NDNF: variants seen among roughly 807,000 people sequenced by gnomAD.
NDNF encodes the protein protein NDNF.
NDNF carries 16 observed loss-of-function variants against 42.0 expected under a neutral mutation model. The observed-to-expected ratio is 0.38, with a 90% CI of 0.26 to 0.58. The LOEUF is 0.58. Among genes scored for constraint, NDNF ranks in the 20% least tolerant of loss-of-function variants. NDNF has a pLI of 0.67. For synonymous variants in NDNF, 248 were observed against 251.7 expected (o/e 0.99, Z 0.14); for missense variants, 616 against 666.2 (o/e 0.92, Z 0.83).
chr4:121,058,549 C>T (rs1361983730), intron 1 of NDNF, among the ~76,000 whole-genome samples: 2 of 152,066 alleles, frequency 1.3e-5, no homozygotes, highest in Admixed American at 6.6e-5. Context: ...TAGGTCCTGA[C>T]GAGGCGGCTG....
At chr4:121,057,876 C>A (rs530848974) in intron 1 of NDNF, among the ~76,000 whole-genome samples, 1 of 152,138 alleles carries the variant, frequency 6.6e-6, no homozygotes, top group Non-Finnish European at 1.5e-5. Flanking sequence ...TCCCTGTACA[C>A]TGTCAATAAG....
rs1727622072 is a variant in NDNF, at chr4:121,072,324, CT to C, written c.-334del. 6.6e-6 allele frequency: 1 copy of C among 151,512 alleles called. No individual in the cohort carries two copies. Among genetic ancestry groups the C allele is most frequent in the Admixed American group, 6.6e-5 (1 of 15,216 alleles). The allele number at this position is 151,512 out of a possible 1,614,324, so 9.4% of individuals were successfully genotyped here. On this transcript the variant is annotated 5_prime_UTR_variant, in exon 1 of 4. Coordinates refer to ENST00000379692, the MANE Select transcript of NDNF (RefSeq NM_024574.4). ...AGAAGCGGCGGGAGGTCCTTTTAAA[CT>C]GCAGGGAGCGTGCGGGGGCTGGGCG...
chr4:121,049,460 G>A (rs1727152841), intron 1 of NDNF, among the ~76,000 whole-genome samples: 1 of 152,130 alleles, frequency 6.6e-6, no homozygotes, highest in Non-Finnish European at 1.5e-5. Flanking sequence ...GTGGGGGTCA[G>A]GGAGCCAGTG....
chr4:121,065,654 AT>A lies in NDNF; in HGVS notation c.-2+6338del, dbSNP rs200225167. 3.3e-3 allele frequency among the ~76,000 whole-genome samples: 496 copies of A among 151,704 alleles called. 3 individuals are homozygous for A. Among genetic ancestry groups the A allele is most frequent in the African/African-American group, 0.011 (471 of 41,446 alleles). On this transcript the variant is annotated intron_variant, in intron 1 of 3. Transcript: ENST00000379692. ...CATTGTGGGGCACAAATTGCCCATT[AT>A]GGTGTAAGAAGGAAATACCAAAAGA...
intron 2 of NDNF, among the ~76,000 whole-genome samples, chr4:121,044,644 A>T (rs534750438): frequency 2.2e-4 from 33 of 152,226 alleles, no homozygotes; most frequent in Admixed American, 5.9e-4. Flanking sequence ...GAATATGATA[A>T]TATTTGTTGA....
chr4:121,052,544 AT>A (rs1178825303), intron 1 of NDNF, among the ~76,000 whole-genome samples: 1 of 152,186 alleles, frequency 6.6e-6, no homozygotes, highest in East Asian at 1.9e-4. Flanking sequence ...ACTCAAGAGC[AT>A]TTGTTTTTGT....
intron 1 of NDNF, among the ~76,000 whole-genome samples, chr4:121,050,270 T>C (rs1456420823): frequency 6.6e-6 from 1 of 152,256 alleles, no homozygotes; most frequent in Non-Finnish European, 1.5e-5. Flanking sequence ...AATTCATTCT[T>C]GTTAAGCATA....
At chr4:121,055,800 TACACACATAC>T (rs1727283871) in intron 1 of NDNF, among the ~76,000 whole-genome samples, 1 of 149,402 alleles carries the variant, frequency 6.7e-6, no homozygotes, top group Non-Finnish European at 1.5e-5. Flanking sequence ...AGGCAATACA[TACACACATAC>T]ACACACACAC....
intron 1 of NDNF, among the ~76,000 whole-genome samples, chr4:121,058,078 C>T (rs116610636): frequency 6.6e-6 from 1 of 152,246 alleles, no homozygotes; most frequent in African/African-American, 2.4e-5. Context: ...TTATATAACA[C>T]AAGTTTATGA....
chr4:121,070,425 G>C (rs1727570398), intron 1 of NDNF, among the ~76,000 whole-genome samples: 1 of 152,146 alleles, frequency 6.6e-6, no homozygotes, highest in Non-Finnish European at 1.5e-5. Context: ...AGGGGGCGGA[G>C]AATGGAGCGG....
chr4:121,055,126 C>T (rs1225814371), intron 1 of NDNF, among the ~76,000 whole-genome samples: 1 of 152,060 alleles, frequency 6.6e-6, no homozygotes, highest in Non-Finnish European at 1.5e-5. Flanking sequence ...GAGTGGAAAG[C>T]TCTTTAAGCA....
At chr4:121,070,190 C>G (rs1006381415) in intron 1 of NDNF, among the ~76,000 whole-genome samples, 1 of 150,774 alleles carries the variant, frequency 6.6e-6, no homozygotes, top group Non-Finnish European at 1.5e-5. Flanking sequence ...ACAGTCTGAG[C>G]GAAGGTTGCG....
chr4:121,050,599 T>A (rs1727177206), intron 1 of NDNF, among the ~76,000 whole-genome samples: 2 of 152,212 alleles, frequency 1.3e-5, no homozygotes, highest in South Asian at 4.1e-4. Context: ...GCTTGGCAGA[T>A]CAACTTGGTT....
intron 1 of NDNF, among the ~76,000 whole-genome samples, chr4:121,064,457 AAC>A (rs1274529005): frequency 6.6e-6 from 1 of 152,228 alleles, no homozygotes; most frequent in Non-Finnish European, 1.5e-5. Context: ...TTCAAAATAT[AAC>A]ACAATATACA....
intron 2 of NDNF, among the ~76,000 whole-genome samples, chr4:121,045,194 T>C (rs907835537): frequency 9.9e-5 from 15 of 151,808 alleles, no homozygotes; most frequent in Non-Finnish European, 2.2e-4. Context: ...CTATTAAAAA[T>C]ACAAAAAATT....
chr4:121,036,683 T>C lies in NDNF; in HGVS notation c.1288A>G (p.Met430Val), dbSNP rs1726875243. ...RLKGNKKGAS[M>V]LKILATTRPT... ...CTTGTGGTAGCTAGAATTTTCAACA[T>C]AGATGCTCCTTTCTTGTTTCCTTTC... Residue 430 changes from methionine (M) to valine (V), a missense_variant, in exon 4 of 4, where the codon ATG (methionine) becomes GTG (valine). Coordinates refer to ENST00000379692, the MANE Select transcript of NDNF (RefSeq NM_024574.4). 1.2e-6 allele frequency: 2 copies of C among 1,614,144 alleles called. No individual in the cohort carries two copies. Among genetic ancestry groups the C allele is most frequent in the Non-Finnish European group, 8.5e-7 (1 of 1,180,008 alleles).
chr4:121,053,104 C>CTGT (rs1727228146), intron 1 of NDNF, among the ~76,000 whole-genome samples: 1 of 152,156 alleles, frequency 6.6e-6, no homozygotes, highest in African/African-American at 2.4e-5. Context: ...TACACAGTGA[C>CTGT]ATGATTATTA....
chr4:121,057,829 G>A (rs1400939223), intron 1 of NDNF, among the ~76,000 whole-genome samples: 2 of 152,198 alleles, frequency 1.3e-5, no homozygotes, highest in Non-Finnish European at 2.9e-5. Flanking sequence ...GATTGCGACA[G>A]TGTGGTGTTT....
intron 2 of NDNF, among the ~76,000 whole-genome samples, chr4:121,042,368 C>G (rs377664595): frequency 6.6e-6 from 1 of 152,162 alleles, no homozygotes; most frequent in Non-Finnish European, 1.5e-5. Context: ...AGTACTTCCC[C>G]CAGCCACCAC....
Sources: gnomAD v4.1 joint callset for allele counts (sites outside exome capture counted in the v4.1 genomes callset) on GRCh38, gnomAD v4.1.1 for gene constraint, MANE v1.5 for transcripts, NCBI Gene and HGNC (gene_info 2026-07-23, HGNC 2026-07-21) for gene names.